Variants in EFCAB6 observed in about 807,000 individuals in gnomAD.
EFCAB6 encodes EF-hand calcium binding domain 6.
Under a neutral mutation model 169.8 loss-of-function variants are expected in EFCAB6, and 156 were observed. The observed-to-expected ratio is 0.92, with a 90% confidence interval of 0.81 to 1.05. The LOEUF (loss-of-function observed/expected upper bound fraction) is 1.05. Ranked by LOEUF, EFCAB6 falls within the 50% of genes least tolerant of loss-of-function variation. The pLI is 0.00. For missense variants in EFCAB6, 1,800 were observed against 1,829.1 expected (o/e 0.98, Z 0.29); for synonymous variants, 698 against 676.4 (o/e 1.03, Z -0.50).
At chr22:43,598,956 T>C (rs2052270104) in intron 23 of EFCAB6, among the ~76,000 whole-genome samples, 2 of 152,194 alleles carry the variant, frequency 1.3e-5, no homozygotes, top group Admixed American at 6.5e-5. Flanking sequence ...AATATCAGTT[T>C]TAAAAATGGA....
intron 21 of EFCAB6, among the ~76,000 whole-genome samples, chr22:43,614,981 C>T (rs1294005184): frequency 1.3e-5 from 2 of 152,246 alleles, no homozygotes; most frequent in Non-Finnish European, 2.9e-5. Flanking sequence ...AGACAGTCCA[C>T]TCTGTGCAGG....
intron 22 of EFCAB6, among the ~76,000 whole-genome samples, chr22:43,608,098 C>T (rs73172064): frequency 0.011 from 1,682 of 152,280 alleles, 13 homozygotes; most frequent in Non-Finnish European, 0.016. Flanking sequence ...GGAGAAACTC[C>T]TTTTCCCTTT....
At chr22:43,729,324 T>C (rs997161957) in intron 8 of EFCAB6, among the ~76,000 whole-genome samples, 3 of 152,178 alleles carry the variant, frequency 2.0e-5, no homozygotes, top group African/African-American at 7.2e-5. Context: ...CTTGGACTCC[T>C]GGCCTCAAGT....
At chr22:43,540,576 GC>G in intron 27 of EFCAB6, 1 of 1,489,872 alleles carries the variant, frequency 6.7e-7, no homozygotes, top group Non-Finnish European at 8.9e-7. Context: ...ATTATTCATG[GC>G]TTCTGCAGGA....
At chr22:43,545,957 AG>A (rs1425265595) in intron 27 of EFCAB6, among the ~76,000 whole-genome samples, 1 of 151,970 alleles carries the variant, frequency 6.6e-6, no homozygotes. Flanking sequence ...ACACATGAAG[AG>A]GCAAGTCACC....
intron 23 of EFCAB6, among the ~76,000 whole-genome samples, chr22:43,593,810 G>A (rs1331789923): frequency 1.3e-5 from 2 of 152,166 alleles, no homozygotes; most frequent in Non-Finnish European, 2.9e-5. Context: ...CTCACAAACA[G>A]GTAAGAGCAA....
intron 20 of EFCAB6, among the ~76,000 whole-genome samples, chr22:43,622,052 C>T (rs1245447220): frequency 6.6e-6 from 1 of 152,086 alleles, no homozygotes; most frequent in Non-Finnish European, 1.5e-5. Context: ...AGCCTTCCAA[C>T]AAAGGACATT....
At chr22:43,644,215 C>T (rs1416685355) in intron 17 of EFCAB6, among the ~76,000 whole-genome samples, 1 of 152,096 alleles carries the variant, frequency 6.6e-6, no homozygotes, top group African/African-American at 2.4e-5. Context: ...CTGCCCTAGG[C>T]AAGCTCTTTG....
chr22:43,563,126 C>T (rs1047130289), intron 26 of EFCAB6, among the ~76,000 whole-genome samples: 3 of 152,030 alleles, frequency 2.0e-5, no homozygotes, highest in African/African-American at 4.8e-5. Context: ...AACCAAGCGC[C>T]GCCTGCCAGG....
At chr22:43,637,999 G>A (rs901764316) in intron 17 of EFCAB6, among the ~76,000 whole-genome samples, 2 of 152,216 alleles carry the variant, frequency 1.3e-5, no homozygotes, top group Admixed American at 6.5e-5. Flanking sequence ...TGAGGTGCCA[G>A]GGAGATTCGT....
At chr22:43,755,627 GATCT>G in intron 6 of EFCAB6, 135 bp downstream of exon 6, 1 of 753,646 alleles carries the variant, frequency 1.3e-6, no homozygotes, top group Non-Finnish European at 2.1e-6. Flanking sequence ...GTTATCAGAA[GATCT>G]ATTTAGTCAG....
At chr22:43,655,924 C>A (rs1260554297) in intron 17 of EFCAB6, among the ~76,000 whole-genome samples, 1 of 152,196 alleles carries the variant, frequency 6.6e-6, no homozygotes, top group African/African-American at 2.4e-5. Flanking sequence ...ATAAAGGAAA[C>A]AATTCATGGG....
At chr22:43,700,218 G>T (rs768580938) in intron 10 of EFCAB6, among the ~76,000 whole-genome samples, 1 of 151,910 alleles carries the variant, frequency 6.6e-6, no homozygotes, top group African/African-American at 2.4e-5. Flanking sequence ...ATATTATTTC[G>T]ATCTAGATTT....
rs201948668 is a variant in EFCAB6, at chr22:43,711,527, C to T, written c.979G>A (p.Asp327Asn). The stretch of plus-strand genomic sequence containing the variant: ...CTTGGTATTTGGTATACAAAAGTGT[C>T]GAGGACAATCTTTAGATAATTAAAA... ...VSFNYLKIVL[D>N]TFVYQIPRRI... The change falls in exon 10 of 32, where the codon GAC becomes AAC. Residue 327 changes from aspartate to asparagine, a missense_variant. Transcript: ENST00000262726. The T allele has an allele frequency of 9.4e-5, 151 of 1,604,982 alleles. No individual in the cohort carries two copies. In the East Asian group the frequency reaches 2.9e-3, roughly 31 times the overall value.
At chr22:43,588,768 G>A (rs1212647501) in intron 24 of EFCAB6, among the ~76,000 whole-genome samples, 3 of 152,078 alleles carry the variant, frequency 2.0e-5, no homozygotes, top group Non-Finnish European at 4.4e-5. Context: ...TTAAATTGGG[G>A]ATTTAATTAG....
chr22:43,804,509 C>T (rs1006961663), intron 2 of EFCAB6, among the ~76,000 whole-genome samples: 4 of 152,088 alleles, frequency 2.6e-5, no homozygotes, highest in African/African-American at 7.2e-5. Flanking sequence ...CCTGTAATCC[C>T]AGCACTTTGG....
At chr22:43,613,385 A>T (rs574300309) in intron 21 of EFCAB6, among the ~76,000 whole-genome samples, 8 of 152,144 alleles carry the variant, frequency 5.3e-5, no homozygotes, top group Non-Finnish European at 8.8e-5. Context: ...GGTAGACTGG[A>T]TAAAGAAACT....
intron 10 of EFCAB6, among the ~76,000 whole-genome samples, chr22:43,710,126 A>G (rs2059109123): frequency 6.6e-6 from 1 of 152,236 alleles, no homozygotes; most frequent in South Asian, 2.1e-4. Context: ...CTGGACAGAA[A>G]ACCAGGTAAA....
chr22:43,729,951 C>T (rs2059876987), intron 8 of EFCAB6, among the ~76,000 whole-genome samples: 1 of 151,588 alleles, frequency 6.6e-6, no homozygotes, highest in South Asian at 2.1e-4. Context: ...CACTTAAGCA[C>T]AGGAGTTCGA....
Sources: allele counts gnomAD v4.1 joint callset (sites outside exome capture counted in the v4.1 genomes callset), GRCh38; gene constraint gnomAD v4.1.1; transcripts MANE v1.5; gene names NCBI Gene and HGNC (gene_info 2026-07-23, HGNC 2026-07-21).